The following NEGR1 variants were observed in gnomAD, a reference collection of about 807,000 sequenced individuals.
The protein encoded by NEGR1 is IgLON family member 4.
Under a neutral mutation model 40.9 loss-of-function variants are expected in NEGR1, and 10 were observed. The observed-to-expected ratio is 0.24, with a 90% confidence interval of 0.15 to 0.42. The LOEUF (loss-of-function observed/expected upper bound fraction) is 0.42, where lower values mean the gene tolerates loss of function less well. Among genes scored for constraint, NEGR1 ranks in the 10% least tolerant of loss-of-function variants. The pLI is 1.00. For synonymous variants in NEGR1, 185 were observed against 166.8 expected (o/e 1.11, Z -0.84); for missense variants, 352 against 438.9 (o/e 0.80, Z 1.77).
chr1:71,817,136 A>G (rs930505734), intron 2 of NEGR1, among the ~76,000 whole-genome samples: 2 of 151,966 alleles, frequency 1.3e-5, no homozygotes, highest in Admixed American at 1.3e-4. Flanking sequence ...AAGTTTACCA[A>G]TGGCTTCTGT....
Position 72,184,683 on chromosome 1 carries a change from G to A in NEGR1, c.176+97636C>T, listed in dbSNP as rs145967662. The stretch of plus-strand genomic sequence containing the variant: ...AGTTTTATCAGGCTAACTTCAGCAC[G>A]TATCCTGAAATGTTTGGTTGATACT... On this transcript the variant is annotated intron_variant, in intron 1 of 6. Transcript: ENST00000357731. Among the ~76,000 whole-genome samples the A allele has an allele frequency of 6.9e-3, 1,052 of 152,078 alleles. 9 individuals are homozygous for A. The highest frequency in any genetic ancestry group is 0.024 in the African/African-American group (986 of 41,524).
intron 3 of NEGR1, among the ~76,000 whole-genome samples, chr1:71,724,510 C>T (rs1005619989): frequency 1.3e-5 from 2 of 152,002 alleles, no homozygotes; most frequent in Admixed American, 6.6e-5. Context: ...CTTTGCATTC[C>T]TGATGATTTT....
chr1:71,775,391 G>C (rs972440801), intron 3 of NEGR1, among the ~76,000 whole-genome samples: 1 of 150,320 alleles, frequency 6.7e-6, no homozygotes, highest in Non-Finnish European at 1.5e-5. Flanking sequence ...CCGCACCCAG[G>C]CTGGAGTGCA....
intron 2 of NEGR1, among the ~76,000 whole-genome samples, chr1:71,903,705 C>T (rs951692314): frequency 6.6e-6 from 1 of 151,746 alleles, no homozygotes; most frequent in Non-Finnish European, 1.5e-5. Context: ...TGTTGCATCT[C>T]TCTCTCCATA....
chr1:71,468,526 G>C (rs1218648024), intron 6 of NEGR1: 1 of 151,896 alleles, frequency 6.6e-6, no homozygotes, highest in Non-Finnish European at 1.5e-5. Flanking sequence ...TTTCAATACT[G>C]CTTAAATATG....
chr1:71,855,339 T>C (rs771071605), intron 2 of NEGR1, among the ~76,000 whole-genome samples: 7 of 152,108 alleles, frequency 4.6e-5, no homozygotes, highest in Admixed American at 1.3e-4. Flanking sequence ...GGAAGACCCT[T>C]AATAATTTTT....
chr1:71,782,924 A>T (rs1656767270), intron 2 of NEGR1, among the ~76,000 whole-genome samples: 1 of 152,008 alleles, frequency 6.6e-6, no homozygotes, highest in African/African-American at 2.4e-5. Context: ...GACAATAATC[A>T]TACACATTTA....
rs115776842 is a variant in NEGR1, at chr1:71,452,206, G to A, written c.941-44636C>T. On this transcript the variant is annotated intron_variant, in intron 6 of 6. Transcript: ENST00000357731. ...TTATTTTATTTTTGAGCATCGAATT[G>A]GAGGGTTTAATCTCATATCCTTAGA... Among the ~76,000 whole-genome samples, 1,386 of 152,156 alleles carry A rather than the reference G, an allele frequency of 9.1e-3. 20 individuals carry two copies. Among genetic ancestry groups the A allele is most frequent in the African/African-American group, 0.031 (1,299 of 41,516 alleles).
intron 4 of NEGR1, among the ~76,000 whole-genome samples, chr1:71,627,567 C>T (rs1442744210): frequency 6.6e-6 from 1 of 152,000 alleles, no homozygotes; most frequent in African/African-American, 2.4e-5. Flanking sequence ...CAATTATTAT[C>T]TATTTCTCAC....
intron 4 of NEGR1, among the ~76,000 whole-genome samples, chr1:71,669,150 A>G (rs917554947): frequency 3.3e-5 from 5 of 152,244 alleles, no homozygotes; most frequent in African/African-American, 1.2e-4. Flanking sequence ...CTTTCTTCTC[A>G]TAATGCTTCT....
At chr1:71,721,310 A>T (rs985350661) in intron 3 of NEGR1, among the ~76,000 whole-genome samples, 6 of 152,146 alleles carry the variant, frequency 3.9e-5, no homozygotes, top group Non-Finnish European at 8.8e-5. Context: ...AGTTGCAGGA[A>T]TACTCAACAA....
At chr1:71,603,058 A>C (rs1305437961) in intron 5 of NEGR1, among the ~76,000 whole-genome samples, 1 of 152,266 alleles carries the variant, frequency 6.6e-6, no homozygotes, top group Non-Finnish European at 1.5e-5. Context: ...ACATAGCAAA[A>C]TATAATAATG....
chr1:72,200,903 CTAA>C (rs1324159090), intron 1 of NEGR1, among the ~76,000 whole-genome samples: 8 of 151,710 alleles, frequency 5.3e-5, no homozygotes, highest in South Asian at 2.1e-4. Context: ...ATATACTTTA[CTAA>C]TAATAAGTTG....
intron 6 of NEGR1, among the ~76,000 whole-genome samples, chr1:71,520,537 C>G (rs749314507): frequency 2.0e-5 from 3 of 152,080 alleles, no homozygotes; most frequent in Non-Finnish European, 4.4e-5. Context: ...TATATACATT[C>G]TTTAATTACA....
At chr1:71,846,711 A>C (rs1309107793) in intron 2 of NEGR1, among the ~76,000 whole-genome samples, 1 of 152,198 alleles carries the variant, frequency 6.6e-6, no homozygotes, top group Non-Finnish European at 1.5e-5. Context: ...GAAATGCAAG[A>C]TCAAAGTGGC....
chr1:71,841,195 G>A (rs902248660), intron 2 of NEGR1, among the ~76,000 whole-genome samples: 1 of 152,114 alleles, frequency 6.6e-6, no homozygotes, highest in Admixed American at 6.6e-5. Flanking sequence ...AGAATCCTAT[G>A]AGAAGAGGAT....
chr1:72,031,153 C>T (rs1569851476), intron 1 of NEGR1, among the ~76,000 whole-genome samples: 1 of 152,178 alleles, frequency 6.6e-6, no homozygotes, highest in South Asian at 2.1e-4. Context: ...GAATCTTATG[C>T]AGCCGCAGAA....
chr1:71,734,663 C>T (rs1654990963), intron 3 of NEGR1, among the ~76,000 whole-genome samples: 1 of 152,070 alleles, frequency 6.6e-6, no homozygotes. Context: ...GCCACACTTC[C>T]TTAAAGACTA....
intron 1 of NEGR1, among the ~76,000 whole-genome samples, chr1:71,976,154 A>G (rs150429494): frequency 1.3e-5 from 2 of 152,364 alleles, no homozygotes; most frequent in African/African-American, 4.8e-5. Flanking sequence ...CACAAAATCT[A>G]GAATGAATTA....
Sources: gnomAD v4.1 joint callset for allele counts (sites outside exome capture counted in the v4.1 genomes callset) on GRCh38, gnomAD v4.1.1 for gene constraint, MANE v1.5 for transcripts, NCBI Gene and HGNC (gene_info 2026-07-23, HGNC 2026-07-21) for gene names.